Variants in TMPRSS11D observed in about 807,000 individuals in gnomAD.
TMPRSS11D encodes transmembrane protease serine 11D.
A neutral mutation model predicts 44.4 loss-of-function variants in TMPRSS11D; 32 were observed. That is an observed-to-expected ratio of 0.72 (90% CI 0.54 to 0.97). The LOEUF (loss-of-function observed/expected upper bound fraction) is 0.97. TMPRSS11D is among the 50% of genes least tolerant of loss of function. The probability of loss-of-function intolerance (pLI) is 0.00; values close to 1 mark genes in which losing one functional copy is unlikely to be tolerated. For missense variants in TMPRSS11D, 446 were observed against 502.6 expected (o/e 0.89, Z 1.08); for synonymous variants, 179 against 177.9 (o/e 1.01, Z -0.05).
At chr4:67,835,647 G>A (rs1165460118) in intron 5 of TMPRSS11D, among the ~76,000 whole-genome samples, 1 of 152,086 alleles carries the variant, frequency 6.6e-6, no homozygotes, top group African/African-American at 2.4e-5. Context: ...AAATGTAAGT[G>A]CAAAGTAGAG....
chr4:67,824,886 G>A (rs2582356), intron 9 of TMPRSS11D, among the ~76,000 whole-genome samples: 149,413 of 152,222 alleles, frequency 0.98, 73,377 homozygotes, highest in Non-Finnish European at 1. Flanking sequence ...TCCTGCTACT[G>A]TGTGGAGTTG....
At position 67,827,385 on chromosome 4, in the gene TMPRSS11D, C is replaced by G; in HGVS notation, c.828G>C (p.Val276=). 1 of 1,613,332 alleles carries G rather than the reference C, an allele frequency of 6.2e-7. No individual in the cohort carries two copies. Among genetic ancestry groups the G allele is most frequent in the Non-Finnish European group, 8.5e-7 (1 of 1,179,584 alleles). Residue 276 remains valine (V), a synonymous_variant, in exon 8 of 10, where the codon GTG becomes GTC. Transcript: ENST00000283916. ...TAAAGGTGACACTGTTCTCAAGTCT[C>G]ACAAGTGCAATGTCATTTTCATGAG... ...SATHENDIAL[V]RLENSVTFTK...
chr4:67,842,749 C>A, intron 3 of TMPRSS11D, 124 bp from the exon 4 acceptor site: 3 of 836,100 alleles, frequency 3.6e-6, no homozygotes, highest in Non-Finnish European at 5.8e-6. Context: ...TTAGTTCAAC[C>A]TAATTCCATT....
intron 1 of TMPRSS11D, among the ~76,000 whole-genome samples, chr4:67,880,361 T>TA (rs1719291174): frequency 6.6e-6 from 1 of 152,154 alleles, no homozygotes; most frequent in African/African-American, 2.4e-5. Flanking sequence ...GACAGATCTT[T>TA]AGAATAGTTT....
chr4:67,832,616 G>A (rs951819363), intron 7 of TMPRSS11D, among the ~76,000 whole-genome samples: 3 of 150,242 alleles, frequency 2.0e-5, no homozygotes, highest in African/African-American at 7.4e-5. Context: ...TCCAACATTC[G>A]AGTGTAAGCT....
At chr4:67,872,727 G>C (rs1719086629) in intron 1 of TMPRSS11D, among the ~76,000 whole-genome samples, 1 of 152,108 alleles carries the variant, frequency 6.6e-6, no homozygotes, top group South Asian at 2.1e-4. Flanking sequence ...TAAACTTCCA[G>C]AACAGAAAAA....
At chr4:67,877,808 T>C (rs1350975881) in intron 1 of TMPRSS11D, among the ~76,000 whole-genome samples, 2 of 152,190 alleles carry the variant, frequency 1.3e-5, no homozygotes, top group Non-Finnish European at 2.9e-5. Flanking sequence ...CACCACTTTA[T>C]CCAAGCCACG....
At chr4:67,862,509 A>G (rs1239844749) in intron 1 of TMPRSS11D, among the ~76,000 whole-genome samples, 2 of 152,082 alleles carry the variant, frequency 1.3e-5, no homozygotes, top group Non-Finnish European at 2.9e-5. Context: ...TTAATAATAT[A>G]TTTCTTAAGA....
chr4:67,867,240 CCCATTTAATA>C (rs1718948126), intron 1 of TMPRSS11D, among the ~76,000 whole-genome samples: 1 of 151,832 alleles, frequency 6.6e-6, no homozygotes, highest in Non-Finnish European at 1.5e-5. Context: ...GAAAGGACAC[CCCATTTAATA>C]AATGGTGGTG....
chr4:67,854,385 T>C (rs1718584349), intron 2 of TMPRSS11D, among the ~76,000 whole-genome samples, 199 bp from the exon 3 acceptor site: 2 of 152,286 alleles, frequency 1.3e-5, no homozygotes, highest in Admixed American at 1.3e-4. Flanking sequence ...GCCAGAGTGG[T>C]GTAGATGTTT....
intron 3 of TMPRSS11D, among the ~76,000 whole-genome samples, chr4:67,845,256 A>G (rs1718331765): frequency 6.6e-6 from 1 of 152,248 alleles, no homozygotes; most frequent in African/African-American, 2.4e-5. Context: ...TTCATATTTC[A>G]CAGAGTGGGT....
At chr4:67,837,270 T>C (rs1032244466) in intron 5 of TMPRSS11D, among the ~76,000 whole-genome samples, 4 of 152,106 alleles carry the variant, frequency 2.6e-5, no homozygotes, top group African/African-American at 7.2e-5. Context: ...TGCGTGAGCA[T>C]TGGCCAGTCA....
chr4:67,871,142 G>T (rs960751998), intron 1 of TMPRSS11D, among the ~76,000 whole-genome samples: 2 of 54,298 alleles, frequency 3.7e-5, no homozygotes, highest in Admixed American at 5.3e-4. Flanking sequence ...GTCTATAAAG[G>T]AAGGTGATGA....
intron 6 of TMPRSS11D, 24 bp from the exon 7 acceptor site, chr4:67,833,405 G>T: frequency 7.0e-7 from 1 of 1,422,586 alleles, no homozygotes; most frequent in African/African-American, 1.5e-5. Context: ...GCATTAATGT[G>T]CTGGGAAGAT....
chr4:67,878,548 G>A (rs1719248184), intron 1 of TMPRSS11D, among the ~76,000 whole-genome samples: 1 of 152,134 alleles, frequency 6.6e-6, no homozygotes, highest in South Asian at 2.1e-4. Flanking sequence ...GGGCCTTTTT[G>A]TTCCAGTGCT....
chr4:67,862,584 G>A (rs1577826378), intron 1 of TMPRSS11D, among the ~76,000 whole-genome samples: 4 of 152,170 alleles, frequency 2.6e-5, no homozygotes, highest in African/African-American at 9.6e-5. Flanking sequence ...CTAATTGAAC[G>A]TGTTATGGGT....
At chr4:67,868,100 A>G (rs933768409) in intron 1 of TMPRSS11D, among the ~76,000 whole-genome samples, 5 of 152,014 alleles carry the variant, frequency 3.3e-5, no homozygotes, top group Admixed American at 3.3e-4. Flanking sequence ...AGAGAAATAT[A>G]TATATATATG....
At chr4:67,823,303 T>A (rs1383114525) in intron 9 of TMPRSS11D, among the ~76,000 whole-genome samples, 1 of 152,112 alleles carries the variant, frequency 6.6e-6, no homozygotes, top group Non-Finnish European at 1.5e-5. Context: ...TACCACCCAG[T>A]CATAATAATG....
intron 1 of TMPRSS11D, among the ~76,000 whole-genome samples, chr4:67,880,505 A>T (rs1174075430): frequency 6.6e-6 from 1 of 152,162 alleles, no homozygotes; most frequent in Non-Finnish European, 1.5e-5. Context: ...AGAAGGAAAC[A>T]TTACATCTTA....
Sources: gnomAD v4.1 joint callset for allele counts (sites outside exome capture counted in the v4.1 genomes callset) on GRCh38, gnomAD v4.1.1 for gene constraint, MANE v1.5 for transcripts, NCBI Gene and HGNC (gene_info 2026-07-23, HGNC 2026-07-21) for gene names.